Variants in AGPAT1 observed in about 807,000 individuals in gnomAD.
The protein encoded by AGPAT1 is 1-acylglycerol-3-phosphate O-acyltransferase 1.
A neutral mutation model predicts 31.2 loss-of-function variants in AGPAT1; 6 were observed. That is an observed-to-expected ratio of 0.19 (90% CI 0.11 to 0.38). The LOEUF is 0.38. AGPAT1 is among the 10% of genes least tolerant of loss of function. The pLI is 1.00. For missense variants in AGPAT1, 187 were observed against 377.8 expected, an observed-to-expected ratio of 0.49 and a Z score of 4.19; for synonymous variants, 139 against 154.0, an observed-to-expected ratio of 0.90 and a Z score of 0.72.
At position 32,176,075 on chromosome 6, in the gene AGPAT1, T is replaced by C. The variant is rs955949279; in HGVS notation, c.-271A>G. On this transcript the variant is annotated 5_prime_UTR_variant, in exon 1 of 7. Transcript: ENST00000375107. The stretch of plus-strand genomic sequence containing the variant: ...CTGTCTCTCTGAGGGCTGGGGCTGC[T>C]GCCGCCGCTATTCCCCCGCCACCCC... 1.4e-4 allele frequency: 140 copies of C among 978,008 alleles called. No homozygotes were observed. In the African/African-American group the frequency reaches 2.1e-3, roughly 14 times the overall value. 60.6% of individuals were successfully genotyped at this position (978,008 alleles called of 1,614,324 possible). A position where few individuals can be genotyped will look rare whatever the true frequency, so the allele number is the denominator to read the frequency against.
At chr6:32,177,381 A>C, upstream of AGPAT1, 1 of 315,970 alleles carries the variant, frequency 3.2e-6, no homozygotes, top group Non-Finnish European at 5.7e-6. Context: ...GGTCTCCTTA[A>C]AAGGGGCGGG....
In AGPAT1 at chr6:32,171,678, G is replaced by A; in HGVS notation, c.-9-173C>T. The A allele has an allele frequency of 1.2e-6, 1 of 834,804 alleles. No individual in the cohort carries two copies. The highest frequency in any genetic ancestry group is 2.7e-5 in the East Asian group (1 of 37,502). The allele number at this position is 834,804 out of a possible 1,614,324, so 51.7% of individuals were successfully genotyped here. A position where few individuals can be genotyped will look rare whatever the true frequency, so the allele number is the denominator to read the frequency against. On this transcript the variant is annotated intron_variant, in intron 1 of 6. Transcript: ENST00000375107. The surrounding 1 kb of genome is among the most constrained non-coding windows in gnomAD (Gnocchi z 6.9). ...AGGAAGGCTCTCTAGGATGAGGGTG[G>A]TGGAGAAAGAGCTCAGGACTGCTCT...
At position 32,172,623 on chromosome 6, in the gene AGPAT1, C is replaced by T. The variant is rs996396127; in HGVS notation, c.-9-1118G>A. Among the ~76,000 whole-genome samples the T allele has an allele frequency of 6.6e-6, 1 of 152,158 alleles. No homozygotes were observed. The highest frequency in any genetic ancestry group is 2.1e-4 in the South Asian group (1 of 4,824). On this transcript the variant is annotated intron_variant, in intron 1 of 6. Transcript: ENST00000375107. The surrounding 1 kb of genome is among the most constrained non-coding windows in gnomAD (Gnocchi z 4.3). ...AGCAGTTTCTAGGTTAAATCTAAGCCGCCTGTGTTCCTAACCACTCCATTA... is the reference window on the plus strand; with the variant it reads ...AGCAGTTTCTAGGTTAAATCTAAGCTGCCTGTGTTCCTAACCACTCCATTA...
rs1785228193 is a variant in AGPAT1 at position 32,172,891 on chromosome 6, C to T, written c.-9-1386G>A. ...TAAATGCATAACTAGAAAAATCCCT[C>T]TCCACCCAGGCAGCTCCCCTATTCC... On this transcript the variant is annotated intron_variant, in intron 1 of 6. Coordinates refer to ENST00000375107, the MANE Select transcript of AGPAT1 (RefSeq NM_006411.4). The surrounding 1 kb of genome is among the most constrained non-coding windows in gnomAD (Gnocchi z 4.3). 6.6e-6 allele frequency: 1 copy of T among 152,216 alleles called. No individual in the cohort carries two copies. The highest frequency in any genetic ancestry group is 1.5e-5 in the Non-Finnish European group (1 of 68,036). The allele number at this position is 152,216 out of a possible 1,614,324, so 9.4% of individuals were successfully genotyped here. A position where few individuals can be genotyped will look rare whatever the true frequency, so the allele number is the denominator to read the frequency against.
Position 32,174,314 on chromosome 6 carries a change from T to C in AGPAT1, c.-10+1500A>G, listed in dbSNP as rs938574641. Among the ~76,000 whole-genome samples the C allele has an allele frequency of 3.9e-5, 6 of 152,130 alleles. No individual in the cohort carries two copies. The highest frequency in any genetic ancestry group is 1.4e-4 in the African/African-American group (6 of 41,422). ...AGATAGTTATCCTCTTGAGTAGAAG[T>C]GACTACTAAAAGAAGTCACTGAGAA... On this transcript the variant is annotated intron_variant, in intron 1 of 6. Coordinates refer to ENST00000375107, the MANE Select transcript of AGPAT1 (RefSeq NM_006411.4). This position sits in a 1 kb window ranked among gnomAD's most constrained non-coding sequence, Gnocchi z 4.5.
At position 32,176,068 on chromosome 6, in the gene AGPAT1, G is replaced by A. The variant is rs551576878; in HGVS notation, c.-264C>T. 2.0e-6 allele frequency: 2 copies of A among 985,336 alleles called. No individual in the cohort carries two copies. The highest frequency in any genetic ancestry group is 1.2e-6 in the Non-Finnish European group (1 of 829,994). 61.0% of individuals were successfully genotyped at this position (985,336 alleles called of 1,614,324 possible). On this transcript the variant is annotated 5_prime_UTR_variant, in exon 1 of 7. Transcript: ENST00000375107. ...CTTTCTGCTGTCTCTCTGAGGGCTG[G>A]GGCTGCTGCCGCCGCTATTCCCCCG...
In AGPAT1 at chr6:32,176,061, A is replaced by T; in HGVS notation, c.-257T>A. On this transcript the variant is annotated 5_prime_UTR_variant, in exon 1 of 7. Coordinates refer to ENST00000375107, the MANE Select transcript of AGPAT1 (RefSeq NM_006411.4). Reference sequence around the variant, plus strand: ...TCCCTCCCTTTCTGCTGTCTCTCTGAGGGCTGGGGCTGCTGCCGCCGCTAT... The same window carrying T: ...TCCCTCCCTTTCTGCTGTCTCTCTGTGGGCTGGGGCTGCTGCCGCCGCTAT... 2.9e-6 allele frequency: 2 copies of T among 694,662 alleles called. No individual in the cohort carries two copies. The allele number at this position is 694,662 out of a possible 1,614,324, so 43.0% of individuals were successfully genotyped here. A position where few individuals can be genotyped will look rare whatever the true frequency, so the allele number is the denominator to read the frequency against.
At position 32,169,848 on chromosome 6, in the gene AGPAT1, A is replaced by G. The variant is rs576236813; in HGVS notation, c.679+118T>C. The G allele has an allele frequency of 1.1e-6, 1 of 928,318 alleles. No individual in the cohort carries two copies. The highest frequency in any genetic ancestry group is 1.6e-5 in the African/African-American group (1 of 61,362). The allele number at this position is 928,318 out of a possible 1,614,324, so 57.5% of individuals were successfully genotyped here. ...GACTTATTGGCTGATGTGGGGTTAG[A>G]CTAGATGACTGTGTAGACATCTCAT... On this transcript the variant is annotated intron_variant, in intron 6 of 6. Transcript: ENST00000375107. This position sits in a 1 kb window ranked among gnomAD's most constrained non-coding sequence, Gnocchi z 5.9.
chr6:32,171,609 G>T lies in AGPAT1; in HGVS notation c.-9-104C>A. 6.9e-7 allele frequency: 1 copy of T among 1,442,034 alleles called. No individual in the cohort carries two copies. Among genetic ancestry groups the T allele is most frequent in the Non-Finnish European group, 9.3e-7 (1 of 1,075,210 alleles). 89.3% of individuals were successfully genotyped at this position (1,442,034 alleles called of 1,614,324 possible). A position where few individuals can be genotyped will look rare whatever the true frequency, so the allele number is the denominator to read the frequency against. The stretch of plus-strand genomic sequence containing the variant: ...GGGGGCTGGTGCTATGAGGACAAGG[G>T]CCTGAGACACAAACTGGGGCAGGGG... On this transcript the variant is annotated intron_variant, in intron 1 of 6. Transcript: ENST00000375107. The surrounding 1 kb of genome is among the most constrained non-coding windows in gnomAD (Gnocchi z 6.9).
In AGPAT1 at chr6:32,171,088, G is replaced by A; in HGVS notation, c.201-18C>T. On this transcript the variant is annotated intron_variant, in intron 2 of 6. Coordinates refer to ENST00000375107, the MANE Select transcript of AGPAT1 (RefSeq NM_006411.4). This position sits in a 1 kb window ranked among gnomAD's most constrained non-coding sequence, Gnocchi z 6.9. ...GCAAGATCCTGTGGGGTCATGGCAA[G>A]GGGTCCCAGTGGGATCCATTGATGT... The A allele has an allele frequency of 6.2e-7, 1 of 1,608,238 alleles. No homozygotes were observed. The highest frequency in any genetic ancestry group is 1.1e-5 in the South Asian group (1 of 90,812).
In AGPAT1 at chr6:32,169,980, C is replaced by T. The variant is rs773164497; in HGVS notation, c.665G>A (p.Arg222His). 10 of 1,613,342 alleles carry T rather than the reference C, an allele frequency of 6.2e-6. No individual in the cohort carries two copies. Among genetic ancestry groups the T allele is most frequent in the South Asian group, 2.2e-5 (2 of 91,070 alleles). Residue 222 changes from arginine to histidine, a missense_variant, in exon 6 of 7, where the codon CGT becomes CAT. Physicochemically the swap from Arg to His is conservative, Grantham distance 29. Coordinates refer to ENST00000375107, the MANE Select transcript of AGPAT1 (RefSeq NM_006411.4). This position sits in a 1 kb window ranked among gnomAD's most constrained non-coding sequence, Gnocchi z 5.9. ...SYQDFYCKKE[R>H]RFTSGQCQVR... is the part of the protein sequence containing the mutation. The stretch of plus-strand genomic sequence containing the variant: ...AAAGCCCTCACCCGAGGTGAAGCGA[C>T]GCTCCTTCTTGCAGTAGAAGTCTTG...
Position 32,169,824 on chromosome 6 carries a change from A to G in AGPAT1, c.679+142T>C. 1.3e-6 allele frequency: 1 copy of G among 773,510 alleles called. No homozygotes were observed. The highest frequency in any genetic ancestry group is 2.7e-5 in the East Asian group (1 of 37,336). 47.9% of individuals were successfully genotyped at this position (773,510 alleles called of 1,614,324 possible). Reference sequence around the variant, plus strand: ...AGGGTATGGTGGGTGCTTAGTAAAGACTTATTGGCTGATGTGGGGTTAGAC... The same window carrying G: ...AGGGTATGGTGGGTGCTTAGTAAAGGCTTATTGGCTGATGTGGGGTTAGAC... On this transcript the variant is annotated intron_variant, in intron 6 of 6. Coordinates refer to ENST00000375107, the MANE Select transcript of AGPAT1 (RefSeq NM_006411.4). This position sits in a 1 kb window ranked among gnomAD's most constrained non-coding sequence, Gnocchi z 5.9.
In AGPAT1 at chr6:32,170,091, A is replaced by G. The variant is rs758101925; in HGVS notation, c.607-53T>C. The G allele has an allele frequency of 6.2e-7, 1 of 1,609,824 alleles. No individual in the cohort carries two copies. Among genetic ancestry groups the G allele is most frequent in the Non-Finnish European group, 8.5e-7 (1 of 1,176,144 alleles). On this transcript the variant is annotated intron_variant, in intron 5 of 6. Transcript: ENST00000375107. The surrounding 1 kb of genome is among the most constrained non-coding windows in gnomAD (Gnocchi z 7.7). ...CACAGCTCTCTTCAGAGACTCCTAC[A>G]ATAAGCCCCTGCCCAGAGATGAGGG...
Position 32,176,009 on chromosome 6 carries a change from G to T in AGPAT1, c.-205C>A. On this transcript the variant is annotated 5_prime_UTR_variant, in exon 1 of 7. Coordinates refer to ENST00000375107, the MANE Select transcript of AGPAT1 (RefSeq NM_006411.4). ...TTGGGCCCATAGCGGTAGGAATGGT[G>T]GGGGGCTGTCCCCCCAGCACCCTCC... 2 of 985,190 alleles carry T rather than the reference G, an allele frequency of 2.0e-6. No individual in the cohort carries two copies. Among genetic ancestry groups the T allele is most frequent in the Non-Finnish European group, 2.4e-6 (2 of 829,834 alleles). The allele number at this position is 985,190 out of a possible 1,614,324, so 61.0% of individuals were successfully genotyped here.
In AGPAT1 at chr6:32,171,477, G is replaced by A. The variant is rs1171950859; in HGVS notation, c.20C>T (p.Ala7Val). The A allele has an allele frequency of 1.9e-6, 3 of 1,600,822 alleles. No individual in the cohort carries two copies. The highest frequency in any genetic ancestry group is 3.5e-5 in the Admixed American group (2 of 57,114). MDLWPG[A>V]WMLLLLLFLL... ...GAAGAGCAGCAGCAGCAGCATCCATGCCCCTGGCCACAAATCCATTCTGGC... is the reference window on the plus strand; with the variant it reads ...GAAGAGCAGCAGCAGCAGCATCCATACCCCTGGCCACAAATCCATTCTGGC... The change falls in exon 2 of 7, where the codon GCA (alanine) becomes GTA (valine). Residue 7 changes from alanine to valine, a missense_variant. Coordinates refer to ENST00000375107, the MANE Select transcript of AGPAT1 (RefSeq NM_006411.4). The surrounding 1 kb of genome is among the most constrained non-coding windows in gnomAD (Gnocchi z 6.9).
chr6:32,169,485 C>A lies in AGPAT1; in HGVS notation c.680-37G>T. On this transcript the variant is annotated intron_variant, in intron 6 of 6. Coordinates refer to ENST00000375107, the MANE Select transcript of AGPAT1 (RefSeq NM_006411.4). The surrounding 1 kb of genome is among the most constrained non-coding windows in gnomAD (Gnocchi z 5.9). ...GGAGCACCATCATGGCCTGTCCACCCAGGTCTTTGCCCACAGGTGGGGCCC... is the reference window on the plus strand; with the variant it reads ...GGAGCACCATCATGGCCTGTCCACCAAGGTCTTTGCCCACAGGTGGGGCCC... 3.7e-6 allele frequency: 6 copies of A among 1,604,516 alleles called. No homozygotes were observed. The highest frequency in any genetic ancestry group is 4.3e-6 in the Non-Finnish European group (5 of 1,174,786).
rs1189551520 is a variant in AGPAT1 at position 32,175,371 on chromosome 6, G to C, written c.-10+443C>G. The stretch of plus-strand genomic sequence containing the variant: ...CCATAAGGCATTTGTGTGTCAGTAA[G>C]GGTCTAGCAGTGTGGAAGGCCACTG... On this transcript the variant is annotated intron_variant, in intron 1 of 6. Coordinates refer to ENST00000375107, the MANE Select transcript of AGPAT1 (RefSeq NM_006411.4). This position sits in a 1 kb window ranked among gnomAD's most constrained non-coding sequence, Gnocchi z 4.5. 6.6e-6 allele frequency among the ~76,000 whole-genome samples: 1 copy of C among 152,146 alleles called. No individual in the cohort carries two copies. The highest frequency in any genetic ancestry group is 1.5e-5 in the Non-Finnish European group (1 of 68,036).
rs1350703324 is a variant in AGPAT1, at chr6:32,169,019, G to A, written c.*257C>T. On this transcript the variant is annotated 3_prime_UTR_variant, in exon 7 of 7. Transcript: ENST00000375107. This position sits in a 1 kb window ranked among gnomAD's most constrained non-coding sequence, Gnocchi z 5.9. Reference sequence around the variant, plus strand: ...CACTGGAGATGAGGGGGAGGCAACTGTCCCACAGACAAGACAGTAGGAGGT... The same window carrying A: ...CACTGGAGATGAGGGGGAGGCAACTATCCCACAGACAAGACAGTAGGAGGT... 5 of 545,572 alleles carry A rather than the reference G, an allele frequency of 9.2e-6. No individual in the cohort carries two copies. The highest frequency in any genetic ancestry group is 1.9e-5 in the African/African-American group (1 of 53,110). The allele number at this position is 545,572 out of a possible 1,614,324, so 33.8% of individuals were successfully genotyped here. A position where few individuals can be genotyped will look rare whatever the true frequency, so the allele number is the denominator to read the frequency against.
At position 32,176,008 on chromosome 6, in the gene AGPAT1, T is replaced by TG; in HGVS notation, c.-205dup. The TG allele has an allele frequency of 1.0e-6, 1 of 984,946 alleles. No individual in the cohort carries two copies. Among genetic ancestry groups the TG allele is most frequent in the Non-Finnish European group, 1.2e-6 (1 of 829,750 alleles). The allele number at this position is 984,946 out of a possible 1,614,324, so 61.0% of individuals were successfully genotyped here. A position where few individuals can be genotyped will look rare whatever the true frequency, so the allele number is the denominator to read the frequency against. On this transcript the variant is annotated 5_prime_UTR_variant, in exon 1 of 7. Coordinates refer to ENST00000375107, the MANE Select transcript of AGPAT1 (RefSeq NM_006411.4). ...GTTGGGCCCATAGCGGTAGGAATGG[T>TG]GGGGGGCTGTCCCCCCAGCACCCTC...
Sources: gnomAD v4.1 joint callset for allele counts (sites outside exome capture counted in the v4.1 genomes callset) on GRCh38, gnomAD v4.1.1 for gene constraint, Gnocchi (gnomAD v3.1) non-coding constraint, MANE v1.5 for transcripts, NCBI Gene and HGNC (gene_info 2026-07-23, HGNC 2026-07-21) for gene names.